The following DDRGK1 variants were observed in gnomAD, a reference collection of about 807,000 sequenced individuals.
DDRGK1 encodes DDRGK domain-containing protein 1.
DDRGK1 carries 38 observed loss-of-function variants against 45.8 expected under a neutral mutation model. The ratio of observed to expected loss-of-function variants is 0.83; its 90% confidence interval spans 0.64 to 1.09. The LOEUF is 1.09. DDRGK1 is among the 50% of genes least tolerant of loss of function. DDRGK1 has a pLI of 0.00. For synonymous variants in DDRGK1, 171 were observed against 168.7 expected (o/e 1.01, Z -0.11); for missense variants, 403 against 419.9 (o/e 0.96, Z 0.35).
intron 6 of DDRGK1, among the ~76,000 whole-genome samples, 198 bp from the exon 7 acceptor site, chr20:3,192,019 A>G (rs917135362): frequency 6.0e-5 from 9 of 150,134 alleles, no homozygotes; most frequent in African/African-American, 2.2e-4. Flanking sequence ...ACCCATTGAC[A>G]GAGACCCGCA....
rs368305863 is a variant in DDRGK1, at chr20:3,191,171, T to C, written c.778+19A>G. ...CTCTCCAAGGCCAGGACTGCAGTGA[T>C]TGGCTCTCATCATCTCACCTGTTAT... On this transcript the variant is annotated intron_variant, in intron 8 of 8. Transcript: ENST00000354488. The C allele has an allele frequency of 3.7e-6, 6 of 1,614,178 alleles. No individual in the cohort carries two copies. Among genetic ancestry groups the C allele is most frequent in the South Asian group, 2.2e-5 (2 of 91,070 alleles).
At chr20:3,195,767 A>C (rs888473040) in intron 4 of DDRGK1, among the ~76,000 whole-genome samples, 3 of 151,992 alleles carry the variant, frequency 2.0e-5, no homozygotes, top group South Asian at 2.1e-4. Flanking sequence ...CCACTCACCC[A>C]GTCAGCCCAC....
Position 3,190,413 on chromosome 20 carries a change from C to T in DDRGK1, c.*240G>A. Reference sequence around the variant, plus strand: ...CATAATAAGAACAGGACTTCACCAGCTTCCAAGGGACCCTCCCCACCTCTC... The same window carrying T: ...CATAATAAGAACAGGACTTCACCAGTTTCCAAGGGACCCTCCCCACCTCTC... On this transcript the variant is annotated 3_prime_UTR_variant, in exon 9 of 9. Coordinates refer to ENST00000354488, the MANE Select transcript of DDRGK1 (RefSeq NM_023935.3). 1 of 533,472 alleles carries T rather than the reference C, an allele frequency of 1.9e-6. No individual in the cohort carries two copies. Among genetic ancestry groups the T allele is most frequent in the Non-Finnish European group, 3.3e-6 (1 of 302,864 alleles). The allele number at this position is 533,472 out of a possible 1,614,324, so 33.0% of individuals were successfully genotyped here.
intron 4 of DDRGK1, among the ~76,000 whole-genome samples, chr20:3,197,065 A>G (rs2067014236): frequency 6.6e-6 from 1 of 151,780 alleles, no homozygotes. Context: ...TCTACTAAAA[A>G]TACAAAAATT....
chr20:3,197,224 G>GAAAAA (rs34672443), intron 4 of DDRGK1, among the ~76,000 whole-genome samples: 6 of 74,564 alleles, frequency 8.0e-5, no homozygotes, highest in Admixed American at 1.6e-4. Flanking sequence ...CTCCATCTCA[G>GAAAAA]AAAAAAAAAA....
intron 6 of DDRGK1, among the ~76,000 whole-genome samples, chr20:3,193,739 C>A (rs2066998648): frequency 6.6e-6 from 1 of 152,152 alleles, no homozygotes; most frequent in Non-Finnish European, 1.5e-5. Flanking sequence ...CTCCAGGGAG[C>A]CACCAAAAGT....
intron 7 of DDRGK1, chr20:3,191,542 G>GT (rs2066989294): frequency 2.7e-6 from 2 of 734,810 alleles, no homozygotes; most frequent in East Asian, 5.4e-5. Context: ...TGGTCACAGG[G>GT]GCTGGCAGAG....
intron 5 of DDRGK1, among the ~76,000 whole-genome samples, 180 bp downstream of exon 5, chr20:3,195,051 T>C (rs530833556): frequency 1.1e-4 from 16 of 152,308 alleles, no homozygotes; most frequent in African/African-American, 3.6e-4. Flanking sequence ...GGTGAGAGTT[T>C]CGGAGGCACC....
rs1438738490 is a variant in DDRGK1 at position 3,204,606 on chromosome 20, A to G, written c.22T>C (p.Leu8=). The G allele has an allele frequency of 6.3e-7, 1 of 1,590,160 alleles. No individual in the cohort carries two copies. Among genetic ancestry groups the G allele is most frequent in the African/African-American group, 1.3e-5 (1 of 74,734 alleles). Residue 8 remains leucine, a synonymous_variant, in exon 1 of 9, where the codon TTG becomes CTG. Transcript: ENST00000354488. MVAPVWY[L]VAAALLVGFI... Reference sequence around the variant, plus strand: ...CCGACTAGCAGAGCCGCCGCTACCAAGTACCACACAGGCGCCACCATGACG... The same window carrying G: ...CCGACTAGCAGAGCCGCCGCTACCAGGTACCACACAGGCGCCACCATGACG...
chr20:3,193,040 G>A (rs1282475158), intron 6 of DDRGK1, among the ~76,000 whole-genome samples: 1 of 152,208 alleles, frequency 6.6e-6, no homozygotes, highest in Non-Finnish European at 1.5e-5. Flanking sequence ...GACCTGGCCT[G>A]AGGTGCTGCT....
At chr20:3,201,970 GT>G (rs200726846) in intron 2 of DDRGK1, among the ~76,000 whole-genome samples, 10 of 148,268 alleles carry the variant, frequency 6.7e-5, no homozygotes, top group Non-Finnish European at 1.5e-4. Flanking sequence ...CCCAGAGAGG[GT>G]TTTTTTTGTT....
chr20:3,200,195 G>T, intron 3 of DDRGK1, 93 bp from the exon 4 acceptor site: 1 of 1,508,042 alleles, frequency 6.6e-7, no homozygotes, highest in Non-Finnish European at 9.0e-7. Flanking sequence ...GCCTGGGCCA[G>T]GGCACAGACC....
intron 4 of DDRGK1, among the ~76,000 whole-genome samples, chr20:3,199,146 C>A (rs1009894900): frequency 1.3e-5 from 2 of 151,942 alleles, no homozygotes; most frequent in African/African-American, 2.4e-5. Flanking sequence ...CGGAGCAAGA[C>A]CCTGTCTTAA....
At chr20:3,201,662 G>GTT (rs534690324) in intron 2 of DDRGK1, among the ~76,000 whole-genome samples, 4 of 143,016 alleles carry the variant, frequency 2.8e-5, no homozygotes, top group African/African-American at 2.5e-5. Context: ...GTTTTTTTTG[G>GTT]TTTTTTTTTT....
chr20:3,191,912 T>C, intron 6 of DDRGK1, 91 bp from the exon 7 acceptor site: 1 of 1,361,418 alleles, frequency 7.3e-7, no homozygotes, highest in Non-Finnish European at 1.0e-6. Context: ...TCTGATCTGA[T>C]CTGTTCTCGG....
rs1302140645 is a variant in DDRGK1, at chr20:3,200,255, G to A, written c.408+87C>T. On this transcript the variant is annotated intron_variant, in intron 3 of 8. Coordinates refer to ENST00000354488, the MANE Select transcript of DDRGK1 (RefSeq NM_023935.3). The stretch of plus-strand genomic sequence containing the variant: ...GAAGCAGCAAACACCAGCCCAGCAG[G>A]CAACAAGCCCTCAGTCTGCCTTAGG... 2.0e-6 allele frequency: 3 copies of A among 1,468,642 alleles called. No individual in the cohort carries two copies. In the African/African-American group the frequency reaches 4.2e-5, roughly 21 times the overall value. The allele number at this position is 1,468,642 out of a possible 1,614,324, so 91.0% of individuals were successfully genotyped here.
chr20:3,200,877 A>G lies in DDRGK1; in HGVS notation c.296-423T>C, dbSNP rs539910905. Among the ~76,000 whole-genome samples the G allele has an allele frequency of 1.6e-4, 25 of 152,130 alleles. No homozygotes were observed. In the East Asian group the frequency reaches 3.3e-3, roughly 20 times the overall value. On this transcript the variant is annotated intron_variant, in intron 2 of 8. Coordinates refer to ENST00000354488, the MANE Select transcript of DDRGK1 (RefSeq NM_023935.3). The stretch of plus-strand genomic sequence containing the variant: ...TGTAATCCCAGAACTTTGGGAGGCA[A>G]AGGTGGGCGGATCACGAGGTTAGGA...
intron 4 of DDRGK1, among the ~76,000 whole-genome samples, chr20:3,197,919 C>A: frequency 7.4e-6 from 1 of 134,808 alleles, no homozygotes; most frequent in African/African-American, 2.8e-5. Context: ...AAGACTGTAT[C>A]TCAAAAAAAA....
Position 3,195,257 on chromosome 20 carries a change from C to T in DDRGK1, c.607G>A (p.Val203Ile), listed in dbSNP as rs142168973. The change falls in exon 5 of 9, where the codon GTA becomes ATA. Residue 203 changes from valine (V) to isoleucine (I), a missense_variant. Physicochemically the swap from Val to Ile is conservative, Grantham distance 29 (BLOSUM62 3). Coordinates refer to ENST00000354488, the MANE Select transcript of DDRGK1 (RefSeq NM_023935.3). Reference sequence around the variant, plus strand: ...TGTTCCTCAGTCATGGTCTCTCCTACGCCTTCCTCCTCCACCACAAAGGCC... The same window carrying T: ...TGTTCCTCAGTCATGGTCTCTCCTATGCCTTCCTCCTCCACCACAAAGGCC... Reference protein sequence around the residue: ...KEAFVVEEEGVGETMTEEQSQ... With the variant: ...KEAFVVEEEGIGETMTEEQSQ... 358 of 1,614,060 alleles carry T rather than the reference C, an allele frequency of 2.2e-4. No homozygotes were observed. The African/African-American group carries it at 2.5e-3, about 11-fold the overall frequency.
Sources: gnomAD v4.1 joint callset for allele counts (sites outside exome capture counted in the v4.1 genomes callset) on GRCh38, gnomAD v4.1.1 for gene constraint, MANE v1.5 for transcripts, NCBI Gene and HGNC (gene_info 2026-07-23, HGNC 2026-07-21) for gene names.